Variants in GRID1 observed in about 807,000 individuals in gnomAD.
GRID1 encodes glutamate receptor ionotropic, delta-1.
In GRID1, 28 loss-of-function variants were observed where a neutral mutation model predicts 98.0. The observed-to-expected ratio is 0.29, with a 90% CI of 0.21 to 0.39. GRID1 has a LOEUF of 0.39. Ranked by LOEUF, GRID1 falls within the 10% of genes least tolerant of loss-of-function variation. GRID1 has a pLI of 1.00. For synonymous variants in GRID1, 553 were observed against 538.5 expected (o/e 1.03, Z -0.37); for missense variants, 1,111 against 1,340.5 (o/e 0.83, Z 2.67).
At chr10:85,891,356 A>G (rs1474093835) in intron 5 of GRID1, among the ~76,000 whole-genome samples, 2 of 152,200 alleles carry the variant, frequency 1.3e-5, no homozygotes, top group African/African-American at 2.4e-5. Context: ...CCCTGTATTT[A>G]ACATATCCAA....
At chr10:85,825,403 T>C (rs1291865457) in intron 8 of GRID1, among the ~76,000 whole-genome samples, 2 of 152,148 alleles carry the variant, frequency 1.3e-5, no homozygotes, top group African/African-American at 2.4e-5. Context: ...TTCTTGCTGA[T>C]TTATTTGAGC....
rs561189941 is a variant in GRID1, at chr10:86,363,873, C to T, written c.235+68G>A. On this transcript the variant is annotated intron_variant, in intron 2 of 15. Coordinates refer to ENST00000327946, the MANE Select transcript of GRID1 (RefSeq NM_017551.3). ...CGCAGCCCAGCTCGTCCCAACCCCTCCGGTGCCCACTGCTGCGACGCCTCG... is the reference window on the plus strand; with the variant it reads ...CGCAGCCCAGCTCGTCCCAACCCCTTCGGTGCCCACTGCTGCGACGCCTCG... 2.4e-3 allele frequency: 3,383 copies of T among 1,386,184 alleles called. 46 individuals carry two copies. The highest frequency in any genetic ancestry group is 0.012 in the Middle Eastern group (66 of 5,458). 85.9% of individuals were successfully genotyped at this position (1,386,184 alleles called of 1,614,324 possible).
At chr10:85,712,206 A>G (rs1351976238) in intron 12 of GRID1, among the ~76,000 whole-genome samples, 1 of 151,828 alleles carries the variant, frequency 6.6e-6, no homozygotes, top group Non-Finnish European at 1.5e-5. Flanking sequence ...TTTACTTAAA[A>G]GTAGAGATTA....
chr10:86,077,789 C>A (rs1159510975), intron 4 of GRID1, among the ~76,000 whole-genome samples: 1 of 152,196 alleles, frequency 6.6e-6, no homozygotes, highest in Non-Finnish European at 1.5e-5. Flanking sequence ...AGATTGAAAG[C>A]AGACAAATCA....
intron 8 of GRID1, among the ~76,000 whole-genome samples, chr10:85,780,213 C>T (rs1181153119): frequency 6.6e-6 from 1 of 152,180 alleles, no homozygotes; most frequent in South Asian, 2.1e-4. Context: ...GGAGGATCTG[C>T]GAGGCCACTG....
chr10:85,896,026 T>TAAC, intron 5 of GRID1, among the ~76,000 whole-genome samples: 1 of 151,584 alleles, frequency 6.6e-6, no homozygotes, highest in South Asian at 2.1e-4. Context: ...CCATTGAAAG[T>TAAC]TCAACATAAG....
At chr10:86,341,148 T>C (rs536588880) in intron 2 of GRID1, among the ~76,000 whole-genome samples, 2 of 152,232 alleles carry the variant, frequency 1.3e-5, no homozygotes, top group South Asian at 2.1e-4. Flanking sequence ...CCCTCCTCCT[T>C]ATTGTTCAGG....
chr10:86,134,010 G>C (rs993556734), intron 4 of GRID1, among the ~76,000 whole-genome samples: 2 of 152,232 alleles, frequency 1.3e-5, no homozygotes, highest in Non-Finnish European at 2.9e-5. Flanking sequence ...GGAAACAAAA[G>C]GAAAGAGGGA....
chr10:86,104,481 G>A (rs1378906035), intron 4 of GRID1, among the ~76,000 whole-genome samples: 1 of 152,220 alleles, frequency 6.6e-6, no homozygotes, highest in Non-Finnish European at 1.5e-5. Flanking sequence ...TGCAAGGATG[G>A]CCCAGACAGG....
chr10:85,766,729 A>AG lies in GRID1; in HGVS notation c.1234-37116_1234-37115insC, dbSNP rs1842200938. Among the ~76,000 whole-genome samples the AG allele has an allele frequency of 7.6e-5, 5 of 65,862 alleles. No homozygotes were observed. In the South Asian group the frequency reaches 3.3e-3, roughly 44 times the overall value. The allele number at this position is 65,862 out of a possible 152,430, so 43.2% of individuals were successfully genotyped here. A position where few individuals can be genotyped will look rare whatever the true frequency, so the allele number is the denominator to read the frequency against. On this transcript the variant is annotated intron_variant, in intron 8 of 15. Transcript: ENST00000327946. ...TATGGAACTGTGTGAAAGGCAGATG[A>AG]TTGTGTGTGTGTGTGTGTGTGTGTG...
intron 2 of GRID1, among the ~76,000 whole-genome samples, chr10:86,251,320 G>A (rs1480301438): frequency 2.8e-5 from 4 of 143,740 alleles, no homozygotes; most frequent in African/African-American, 8.0e-5. Flanking sequence ...CCCCCTCTCC[G>A]AGAAACACCC....
intron 8 of GRID1, among the ~76,000 whole-genome samples, chr10:85,735,773 C>T (rs1372519250): frequency 6.0e-5 from 9 of 151,090 alleles, no homozygotes; most frequent in Non-Finnish European, 1.3e-4. Flanking sequence ...TTGTAAATTC[C>T]TGCGAAGGGA....
At chr10:86,267,085 A>G (rs1469800403) in intron 2 of GRID1, among the ~76,000 whole-genome samples, 1 of 152,234 alleles carries the variant, frequency 6.6e-6, no homozygotes, top group Non-Finnish European at 1.5e-5. Flanking sequence ...ACCCCGGGAA[A>G]GTGCTTGGCA....
At chr10:86,185,753 C>T (rs964391150) in intron 3 of GRID1, among the ~76,000 whole-genome samples, 13 of 152,144 alleles carry the variant, frequency 8.5e-5, no homozygotes, top group African/African-American at 1.9e-4. Flanking sequence ...TGGTGAATTA[C>T]GTCACTTGAT....
chr10:85,716,907 CAT>C (rs1230853335), intron 12 of GRID1, among the ~76,000 whole-genome samples: 13 of 152,204 alleles, frequency 8.5e-5, no homozygotes, highest in African/African-American at 2.9e-4. Flanking sequence ...GAGTCAAACT[CAT>C]AGAAGCGGAG....
At chr10:86,360,461 A>AT (rs1400328222) in intron 2 of GRID1, among the ~76,000 whole-genome samples, 1 of 152,166 alleles carries the variant, frequency 6.6e-6, no homozygotes, top group Non-Finnish European at 1.5e-5. Flanking sequence ...TCTTTTTTAT[A>AT]TTTTTATATT....
At chr10:85,639,664 G>A (rs943589672) in intron 13 of GRID1, among the ~76,000 whole-genome samples, 3 of 152,054 alleles carry the variant, frequency 2.0e-5, no homozygotes, top group Non-Finnish European at 4.4e-5. Flanking sequence ...ACCTGAGGTC[G>A]GGAGTTTGAG....
intron 8 of GRID1, among the ~76,000 whole-genome samples, chr10:85,734,791 G>A (rs1440602966): frequency 6.6e-6 from 1 of 152,120 alleles, no homozygotes; most frequent in Non-Finnish European, 1.5e-5. Flanking sequence ...TACTGGTCAA[G>A]GCCATCCGTC....
intron 3 of GRID1, among the ~76,000 whole-genome samples, chr10:86,188,510 T>G (rs1373371673): frequency 6.6e-6 from 1 of 152,156 alleles, no homozygotes; most frequent in African/African-American, 2.4e-5. Context: ...ACAGGTTCCT[T>G]TGCCAAGACC....
Sources: gnomAD v4.1 joint callset for allele counts (sites outside exome capture counted in the v4.1 genomes callset) on GRCh38, gnomAD v4.1.1 for gene constraint, MANE v1.5 for transcripts, NCBI Gene and HGNC (gene_info 2026-07-23, HGNC 2026-07-21) for gene names.